The following CKLF variants were observed in gnomAD, a reference collection of about 807,000 sequenced individuals.
CKLF encodes chemokine like factor, also known as chemokine-like factor.
Under a neutral mutation model 12.9 loss-of-function variants are expected in CKLF, and 16 were observed. The observed-to-expected ratio is 1.24, with a 90% CI of 0.84 to 1.88. CKLF has a LOEUF of 1.88. Among genes scored for constraint, CKLF ranks in the 40% most tolerant of loss-of-function variants. The pLI is 0.00. For missense variants in CKLF, 172 were observed against 188.5 expected (o/e 0.91, Z 0.51); for synonymous variants, 61 against 69.0 (o/e 0.88, Z 0.57).
chr16:66,561,104 C>T (rs2011685984), intron 2 of CKLF, among the ~76,000 whole-genome samples: 1 of 152,050 alleles, frequency 6.6e-6, no homozygotes, highest in African/African-American at 2.4e-5. Context: ...CTGACTGTTC[C>T]AATTAATCTG....
At chr16:66,563,002 C>T in intron 2 of CKLF, 120 bp from the exon 3 acceptor site, 1 of 1,074,530 alleles carries the variant, frequency 9.3e-7, no homozygotes, top group Non-Finnish European at 1.4e-6. Context: ...AGGCGGGAGC[C>T]AGTGCATTCT....
intron 3 of CKLF, 129 bp downstream of exon 3, chr16:66,563,346 C>A: frequency 9.4e-7 from 1 of 1,067,262 alleles, no homozygotes; most frequent in Non-Finnish European, 1.3e-6. Flanking sequence ...TATACAATGC[C>A]TAGTGGCTTA....
Position 66,552,805 on chromosome 16 carries a change from CCGCGGAGGGCGGGA to C in CKLF, c.78+13_78+26del, listed in dbSNP as rs1425035632. On this transcript the variant is annotated intron_variant, in intron 1 of 3. Transcript: ENST00000264001. ...AGATGCTGCGGCTGGTGAGGCCGGGCCGCGGAGGGCGGGAGGCTGATGAAGCTGCTGGGGGGCGG... is the reference window on the plus strand; with the variant it reads ...AGATGCTGCGGCTGGTGAGGCCGGGCGGCTGATGAAGCTGCTGGGGGGCGG... The C allele has an allele frequency of 6.2e-7, 1 of 1,613,818 alleles. No homozygotes were observed. Among genetic ancestry groups the C allele is most frequent in the African/African-American group, 1.3e-5 (1 of 75,036 alleles).
chr16:66,565,753 A>G (rs2012213538), intron 3 of CKLF, 133 bp from the exon 4 acceptor site: 3 of 762,476 alleles, frequency 3.9e-6, no homozygotes, highest in Non-Finnish European at 6.8e-6. Context: ...CCATGTTAGT[A>G]TTAGATGAAG....
intron 1 of CKLF, among the ~76,000 whole-genome samples, chr16:66,553,185 T>G (rs1035093403): frequency 1.6e-5 from 2 of 128,430 alleles, no homozygotes; most frequent in Non-Finnish European, 3.2e-5. Flanking sequence ...AAAAAAACCC[T>G]TTTTTTAAAT....
rs988172886 is a variant in CKLF, at chr16:66,552,943, GGA to G, written c.78+157_78+158del. ...AAGGCATGGCCTCCTTGGGGAAGAA[GGA>G]GAGAGATACGGCACTGTCCTCCCCT... On this transcript the variant is annotated intron_variant, in intron 1 of 3. Coordinates refer to ENST00000264001, the MANE Select transcript of CKLF (RefSeq NM_016951.4). 5 of 1,110,390 alleles carry G rather than the reference GGA, an allele frequency of 4.5e-6. No homozygotes were observed. In the African/African-American group the frequency reaches 6.2e-5, roughly 14 times the overall value. 68.8% of individuals were successfully genotyped at this position (1,110,390 alleles called of 1,614,324 possible). A position where few individuals can be genotyped will look rare whatever the true frequency, so the allele number is the denominator to read the frequency against.
chr16:66,558,174 G>A lies in CKLF; in HGVS notation c.79-16G>A, dbSNP rs760377469. On this transcript the variant is annotated splice_polypyrimidine_tract_variant and intron_variant, in intron 1 of 3. Coordinates refer to ENST00000264001, the MANE Select transcript of CKLF (RefSeq NM_016951.4). ...TTCAGTTGTCACTGAATAAATCGTG[G>A]GTTTTTTTCTTCTAGGCACTAACTG... 1 of 1,602,524 alleles carries A rather than the reference G, an allele frequency of 6.2e-7. No individual in the cohort carries two copies. Among genetic ancestry groups the A allele is most frequent in the African/African-American group, 1.4e-5 (1 of 73,830 alleles).
intron 3 of CKLF, among the ~76,000 whole-genome samples, chr16:66,565,397 A>G (rs746506416): frequency 2.0e-5 from 3 of 152,214 alleles, no homozygotes; most frequent in Non-Finnish European, 4.4e-5. Context: ...CTAGCCTTTG[A>G]GAGTTCACTT....
At chr16:66,558,474 T>C in intron 2 of CKLF, 126 bp downstream of exon 2, 1 of 1,349,812 alleles carries the variant, frequency 7.4e-7, no homozygotes, top group Non-Finnish European at 9.9e-7. Flanking sequence ...AAGGAGGAGC[T>C]CTACCCATTG....
chr16:66,560,663 CTG>C (rs770700856), intron 2 of CKLF, among the ~76,000 whole-genome samples: 4 of 151,996 alleles, frequency 2.6e-5, no homozygotes, highest in South Asian at 2.1e-4. Context: ...GAAGGTAAAA[CTG>C]GGAAACGCCA....
chr16:66,552,635 T>A lies in CKLF; in HGVS notation c.-81T>A. On this transcript the variant is annotated 5_prime_UTR_variant, in exon 1 of 4. Coordinates refer to ENST00000264001, the MANE Select transcript of CKLF (RefSeq NM_016951.4). ...GGCGGTGCTCCGCCGCGGTGGCGGT[T>A]GCTATCGCTTCGCAGAACCTACTCA... is the stretch of plus-strand genomic sequence containing the variant. The A allele has an allele frequency of 6.2e-7, 1 of 1,604,356 alleles. No homozygotes were observed.
chr16:66,560,798 T>TACACACACACACACACAC (rs58084691), intron 2 of CKLF, among the ~76,000 whole-genome samples: 7 of 143,760 alleles, frequency 4.9e-5, no homozygotes, highest in African/African-American at 7.7e-5. Flanking sequence ...AAGATAAGTA[T>TACACACACACACACACAC]ACACACACAC....
intron 1 of CKLF, among the ~76,000 whole-genome samples, chr16:66,554,352 A>G (rs992420533): frequency 1.3e-5 from 2 of 152,270 alleles, no homozygotes; most frequent in African/African-American, 2.4e-5. Flanking sequence ...AGAGCAATCT[A>G]GGGTTGGATC....
intron 2 of CKLF, among the ~76,000 whole-genome samples, chr16:66,558,965 T>G (rs7200655): frequency 0.084 from 12,731 of 152,282 alleles, 652 homozygotes; most frequent in East Asian, 0.16. Flanking sequence ...TTGGGCAGAT[T>G]GAAGTTATTC....
Position 66,558,320 on chromosome 16 carries a change from T to A in CKLF, c.209T>A (p.Leu70Ter). The A allele has an allele frequency of 6.2e-7, 1 of 1,606,142 alleles. No individual in the cohort carries two copies. Among genetic ancestry groups the A allele is most frequent in the Non-Finnish European group, 8.5e-7 (1 of 1,178,282 alleles). The change falls in exon 2 of 4, where the codon TTA becomes TAA. Residue 70 changes from leucine (L) to a stop codon, truncating the protein, a stop_gained. Coordinates refer to ENST00000264001, the MANE Select transcript of CKLF (RefSeq NM_016951.4). LOFTEE classifies it high-confidence loss of function. ...TTATATGTACTCAGACTTGATCGAT[T>A]AATGAAGTGGTTATTTTGGCCTTTG... ...ILLYVLRLDR[L>*]MKWLFWPLLD...
At chr16:66,553,461 T>C (rs1046010613) in intron 1 of CKLF, 1 of 152,264 alleles carries the variant, frequency 6.6e-6, no homozygotes, top group Admixed American at 6.5e-5. Context: ...CCGGGAGCAC[T>C]GCAGTCACTT....
intron 3 of CKLF, chr16:66,565,502 T>TCGCC: frequency 5.3e-6 from 1 of 187,006 alleles, no homozygotes; most frequent in Non-Finnish European, 1.1e-5. Context: ...CTGTAGAGTT[T>TCGCC]GTCAGTAGAG....
chr16:66,560,121 G>A (rs954846186), intron 2 of CKLF, among the ~76,000 whole-genome samples: 5 of 152,178 alleles, frequency 3.3e-5, no homozygotes, highest in Non-Finnish European at 7.3e-5. Flanking sequence ...AGGATGAAAC[G>A]TAGTTAGCAG....
At chr16:66,564,468 TC>T (rs2012003589) in intron 3 of CKLF, among the ~76,000 whole-genome samples, 1 of 151,680 alleles carries the variant, frequency 6.6e-6, no homozygotes, top group Non-Finnish European at 1.5e-5. Context: ...CTTATTTTTT[TC>T]TTTTTTTTTT....
Sources: gnomAD v4.1 joint callset for allele counts (sites outside exome capture counted in the v4.1 genomes callset) on GRCh38, gnomAD v4.1.1 for gene constraint, MANE v1.5 for transcripts, NCBI Gene and HGNC (gene_info 2026-07-23, HGNC 2026-07-21) for gene names.